Variants in CSMD1 observed in about 807,000 individuals in gnomAD.
The protein encoded by CSMD1 is CUB and sushi domain-containing protein 1.
Under a neutral mutation model 417.5 loss-of-function variants are expected in CSMD1, and 213 were observed. The ratio of observed to expected loss-of-function variants is 0.51; its 90% CI spans 0.46 to 0.57. The LOEUF is 0.57. CSMD1 is among the 20% of genes least tolerant of loss of function. CSMD1 has a pLI of 0.00. For synonymous variants in CSMD1, 2,862 were observed against 1,736.8 expected (o/e 1.65, Z -16.11); for missense variants, 6,923 against 4,529.7 (o/e 1.53, Z -15.17).
At position 3,045,269 on chromosome 8, in the gene CSMD1, T is replaced by C. The variant is rs148520651; in HGVS notation, c.7660+7193A>G. On this transcript the variant is annotated intron_variant, in intron 50 of 69. Coordinates refer to ENST00000635120, the MANE Select transcript of CSMD1 (RefSeq NM_033225.6). ...AGTACTCACGATGCAAATTGACTTT[T>C]TGCTGTTTAACAACCATTTAATGGA... Among the ~76,000 whole-genome samples, 1,000 of 152,344 alleles carry C rather than the reference T, an allele frequency of 6.6e-3. 4 individuals are homozygous for C. The highest frequency in any genetic ancestry group is 8.1e-3 in the Non-Finnish European group (553 of 68,012).
intron 49 of CSMD1, among the ~76,000 whole-genome samples, chr8:3,065,279 A>T (rs1203090477): frequency 7.1e-6 from 1 of 141,494 alleles, no homozygotes; most frequent in Non-Finnish European, 1.5e-5. Flanking sequence ...CTGGAATATG[A>T]TACATAGATA....
chr8:3,105,544 G>A (rs1035252324), intron 46 of CSMD1, among the ~76,000 whole-genome samples: 2 of 152,182 alleles, frequency 1.3e-5, no homozygotes, highest in African/African-American at 4.8e-5. Flanking sequence ...TATTTTAAAA[G>A]TAATCTACTT....
In CSMD1 at chr8:3,953,675, G is replaced by A. The variant is rs1234444543; in HGVS notation, c.818+44228C>T. Among the ~76,000 whole-genome samples, 6 of 152,216 alleles carry A rather than the reference G, an allele frequency of 3.9e-5. No individual in the cohort carries two copies. The East Asian group carries it at 5.8e-4, about 15-fold the overall frequency. On this transcript the variant is annotated intron_variant, in intron 5 of 69. Coordinates refer to ENST00000635120, the MANE Select transcript of CSMD1 (RefSeq NM_033225.6). ...ACGCTGGGACTGGGAGCCTGGGGAA[G>A]TGATGGCGGGGAGGGGTGAGGGGTG...
chr8:3,260,525 T>A (rs1297613674), intron 26 of CSMD1, among the ~76,000 whole-genome samples: 1 of 152,036 alleles, frequency 6.6e-6, no homozygotes, highest in Non-Finnish European at 1.5e-5. Flanking sequence ...ATTCCTCATT[T>A]CATTTCTGAA....
At chr8:4,710,349 T>A (rs1008193805) in intron 1 of CSMD1, among the ~76,000 whole-genome samples, 4 of 149,680 alleles carry the variant, frequency 2.7e-5, no homozygotes, top group African/African-American at 9.8e-5. Flanking sequence ...CATTAATACT[T>A]CAATTATATA....
At chr8:4,074,229 G>A (rs903504623) in intron 3 of CSMD1, among the ~76,000 whole-genome samples, 1 of 151,852 alleles carries the variant, frequency 6.6e-6, no homozygotes, top group African/African-American at 2.4e-5. Flanking sequence ...ACAGCTTTTT[G>A]TAACCCCAGA....
At chr8:3,462,775 T>G (rs920337919) in intron 12 of CSMD1, among the ~76,000 whole-genome samples, 1 of 151,634 alleles carries the variant, frequency 6.6e-6, no homozygotes, top group African/African-American at 2.4e-5. Flanking sequence ...ACCGGTCCCT[T>G]GTGCCAAAAA....
chr8:3,694,692 T>G (rs1278680583), intron 7 of CSMD1, among the ~76,000 whole-genome samples: 1 of 151,416 alleles, frequency 6.6e-6, no homozygotes, highest in African/African-American at 2.4e-5. Context: ...GCTGTGGGCT[T>G]TAGAGGGAAT....
intron 10 of CSMD1, among the ~76,000 whole-genome samples, chr8:3,552,009 G>C (rs1222726193): frequency 6.6e-6 from 1 of 152,222 alleles, no homozygotes; most frequent in Non-Finnish European, 1.5e-5. Flanking sequence ...AGGAACTCGA[G>C]AAGTTTCATA....
intron 6 of CSMD1, among the ~76,000 whole-genome samples, chr8:3,749,938 C>A (rs779202029): frequency 2.0e-5 from 3 of 152,028 alleles, no homozygotes; most frequent in Non-Finnish European, 4.4e-5. Context: ...GGACGCATGC[C>A]TGAAATGTTT....
chr8:3,147,975 G>T (rs1818942101), intron 40 of CSMD1, among the ~76,000 whole-genome samples: 1 of 152,136 alleles, frequency 6.6e-6, no homozygotes, highest in Non-Finnish European at 1.5e-5. Context: ...TGATCACCAA[G>T]ATCACCCTAA....
chr8:4,622,845 G>C (rs1801861516), intron 2 of CSMD1, among the ~76,000 whole-genome samples: 1 of 152,056 alleles, frequency 6.6e-6, no homozygotes, highest in Non-Finnish European at 1.5e-5. Context: ...AGATGACATG[G>C]TTGCCTCCAT....
intron 5 of CSMD1, among the ~76,000 whole-genome samples, chr8:3,830,131 G>C (rs761149685): frequency 2.0e-5 from 3 of 152,078 alleles, no homozygotes; most frequent in African/African-American, 7.2e-5. Context: ...TAATTTCTCT[G>C]ATATCATTTC....
At chr8:4,442,026 CT>C (rs1391191763) in intron 2 of CSMD1, among the ~76,000 whole-genome samples, 2 of 152,130 alleles carry the variant, frequency 1.3e-5, no homozygotes, top group Non-Finnish European at 2.9e-5. Flanking sequence ...TGTCCCCCCG[CT>C]TTTTTCTAAG....
At chr8:4,186,728 T>A (rs1798699432) in intron 3 of CSMD1, among the ~76,000 whole-genome samples, 1 of 151,908 alleles carries the variant, frequency 6.6e-6, no homozygotes, top group African/African-American at 2.4e-5. Flanking sequence ...CGCTCACACC[T>A]GTAATCCCAG....
At chr8:4,225,365 T>C (rs1351955955) in intron 3 of CSMD1, among the ~76,000 whole-genome samples, 3 of 152,172 alleles carry the variant, frequency 2.0e-5, no homozygotes, top group Admixed American at 6.5e-5. Context: ...TAATTAACAA[T>C]ATACATCGTG....
chr8:3,849,386 C>T (rs764178545), intron 5 of CSMD1, among the ~76,000 whole-genome samples: 6 of 152,072 alleles, frequency 3.9e-5, no homozygotes, highest in South Asian at 2.1e-4. Flanking sequence ...CCATCACAGG[C>T]GCCAAGGAAG....
At chr8:3,929,721 G>T (rs1031754569) in intron 5 of CSMD1, among the ~76,000 whole-genome samples, 1 of 149,678 alleles carries the variant, frequency 6.7e-6, no homozygotes, top group Non-Finnish European at 1.5e-5. Context: ...GAGTGCATTG[G>T]CACAATCTCG....
intron 3 of CSMD1, among the ~76,000 whole-genome samples, chr8:4,152,788 T>C (rs563041948): frequency 2.0e-5 from 3 of 152,262 alleles, no homozygotes; most frequent in South Asian, 2.1e-4. Context: ...GCATGCATTT[T>C]TATGGGAATA....
Sources: gnomAD v4.1 joint callset for allele counts (sites outside exome capture counted in the v4.1 genomes callset) on GRCh38, gnomAD v4.1.1 for gene constraint, MANE v1.5 for transcripts, NCBI Gene and HGNC (gene_info 2026-07-23, HGNC 2026-07-21) for gene names.